PAK5: variants seen among roughly 807,000 people sequenced by gnomAD.
PAK5 encodes the protein serine/threonine-protein kinase PAK 5.
A neutral mutation model predicts 65.9 loss-of-function variants in PAK5; 16 were observed. The ratio of observed to expected loss-of-function variants is 0.24; its 90% CI spans 0.16 to 0.37. The LOEUF (loss-of-function observed/expected upper bound fraction) is 0.37, where lower values mean the gene tolerates loss of function less well. Ranked by LOEUF, PAK5 falls within the 10% of genes least tolerant of loss-of-function variation. The pLI is 1.00. For synonymous variants in PAK5, 371 were observed against 354.9 expected, an observed-to-expected ratio of 1.05 and a Z score of -0.51; for missense variants, 785 against 903.9, an observed-to-expected ratio of 0.87 and a Z score of 1.69.
intron 1 of PAK5, among the ~76,000 whole-genome samples, chr20:9,776,106 G>A (rs2048884478): frequency 6.6e-6 from 1 of 152,180 alleles, no homozygotes; most frequent in African/African-American, 2.4e-5. Flanking sequence ...GCTTGAAGAA[G>A]TGCTTTATAT....
At chr20:9,617,397 C>T (rs2046677300) in intron 3 of PAK5, among the ~76,000 whole-genome samples, 1 of 151,996 alleles carries the variant, frequency 6.6e-6, no homozygotes, top group Non-Finnish European at 1.5e-5. Context: ...GTAATTCTTC[C>T]CAGACGATTT....
At chr20:9,692,084 T>C (rs2047805657) in intron 2 of PAK5, among the ~76,000 whole-genome samples, 1 of 152,222 alleles carries the variant, frequency 6.6e-6, no homozygotes, top group Non-Finnish European at 1.5e-5. Flanking sequence ...CAAACTTTGC[T>C]GATTATACAT....
intron 3 of PAK5, among the ~76,000 whole-genome samples, chr20:9,628,269 T>C (rs184790653): frequency 6.6e-6 from 1 of 152,332 alleles, no homozygotes; most frequent in East Asian, 1.9e-4. Context: ...AGAGGTTAAG[T>C]AACTTGCACT....
At chr20:9,810,104 C>T (rs140534636) in intron 1 of PAK5, among the ~76,000 whole-genome samples, 1 of 152,280 alleles carries the variant, frequency 6.6e-6, no homozygotes, top group East Asian at 1.9e-4. Flanking sequence ...GCTCCTTCCA[C>T]CTGTGCAGCA....
chr20:9,806,099 G>T (rs976012123), intron 1 of PAK5, among the ~76,000 whole-genome samples: 4 of 151,940 alleles, frequency 2.6e-5, no homozygotes, highest in Non-Finnish European at 5.9e-5. Flanking sequence ...CAAGCAGCTG[G>T]GACTACAGGC....
chr20:9,703,282 A>C (rs999538505), intron 2 of PAK5, among the ~76,000 whole-genome samples: 1 of 152,178 alleles, frequency 6.6e-6, no homozygotes, highest in Non-Finnish European at 1.5e-5. Context: ...ATACCCTCTG[A>C]TCTAGCATTA....
chr20:9,790,488 A>G (rs6056875), intron 1 of PAK5, among the ~76,000 whole-genome samples: 11,491 of 152,040 alleles, frequency 0.076, 590 homozygotes, highest in South Asian at 0.2. Context: ...AAAAAAGCCA[A>G]CTTATAAAGA....
chr20:9,558,156 G>A (rs1482012253), intron 6 of PAK5, among the ~76,000 whole-genome samples: 1 of 151,600 alleles, frequency 6.6e-6, no homozygotes, highest in African/African-American at 2.4e-5. Context: ...TGTCACTTAG[G>A]CTAGAGTGCA....
intron 2 of PAK5, among the ~76,000 whole-genome samples, chr20:9,701,500 C>A (rs1481638736): frequency 6.6e-6 from 1 of 152,060 alleles, no homozygotes; most frequent in African/African-American, 2.4e-5. Flanking sequence ...GATAAGAATA[C>A]CCCTCTGATT....
intron 3 of PAK5, among the ~76,000 whole-genome samples, chr20:9,586,093 A>G (rs1203065047): frequency 1.3e-5 from 2 of 152,222 alleles, no homozygotes; most frequent in African/African-American, 2.4e-5. Context: ...TTGTGAATAC[A>G]GAAGAAAGGC....
At chr20:9,636,785 C>A (rs143355178) in intron 3 of PAK5, among the ~76,000 whole-genome samples, 1 of 152,100 alleles carries the variant, frequency 6.6e-6, no homozygotes, top group African/African-American at 2.4e-5. Context: ...CTAGAAAAGA[C>A]AAAAGTCTCT....
intron 1 of PAK5, among the ~76,000 whole-genome samples, chr20:9,768,686 G>C (rs973762564): frequency 1.7e-4 from 25 of 151,234 alleles, no homozygotes; most frequent in Non-Finnish European, 3.7e-4. Flanking sequence ...GGAAGGCTGA[G>C]GCAAGAGAAT....
chr20:9,677,045 A>ATGTGTGTGTG (rs4053117), intron 2 of PAK5, among the ~76,000 whole-genome samples: 1 of 141,120 alleles, frequency 7.1e-6, no homozygotes, highest in Non-Finnish European at 1.6e-5. Context: ...GGGTATGTGC[A>ATGTGTGTGTG]TGTGTGTGTG....
At chr20:9,686,811 C>T (rs1417921206) in intron 2 of PAK5, among the ~76,000 whole-genome samples, 1 of 152,120 alleles carries the variant, frequency 6.6e-6, no homozygotes, top group Non-Finnish European at 1.5e-5. Context: ...TTTAAAGTTG[C>T]CCCTCATGCA....
chr20:9,571,438 G>A (rs1568970929), intron 4 of PAK5, among the ~76,000 whole-genome samples: 1 of 152,216 alleles, frequency 6.6e-6, no homozygotes, highest in East Asian at 1.9e-4. Context: ...CTGCCCCCAA[G>A]CAATGCAGGG....
chr20:9,787,745 G>A (rs1031813651), intron 1 of PAK5, among the ~76,000 whole-genome samples: 2 of 151,794 alleles, frequency 1.3e-5, no homozygotes, highest in Non-Finnish European at 2.9e-5. Flanking sequence ...GTGCAGATTT[G>A]GGAATAGATA....
At chr20:9,572,316 T>A (rs186473424) in intron 4 of PAK5, among the ~76,000 whole-genome samples, 2 of 152,272 alleles carry the variant, frequency 1.3e-5, no homozygotes, top group East Asian at 1.9e-4. Flanking sequence ...GCTCTTGGAC[T>A]TTCATAGTCA....
chr20:9,786,567 T>C (rs1169371171), intron 1 of PAK5, among the ~76,000 whole-genome samples: 1 of 152,180 alleles, frequency 6.6e-6, no homozygotes, highest in African/African-American at 2.4e-5. Context: ...GTGTACAGCC[T>C]GATCAATTTT....
intron 1 of PAK5, among the ~76,000 whole-genome samples, chr20:9,764,267 G>GT (rs907065513): frequency 3.9e-5 from 6 of 152,108 alleles, no homozygotes; most frequent in Non-Finnish European, 8.8e-5. Flanking sequence ...ATTTGCCTGA[G>GT]TTTTTTCTTA....
Sources: gnomAD v4.1 joint callset for allele counts (sites outside exome capture counted in the v4.1 genomes callset) on GRCh38, gnomAD v4.1.1 for gene constraint, MANE v1.5 for transcripts, NCBI Gene and HGNC (gene_info 2026-07-23, HGNC 2026-07-21) for gene names.